VPS41: variants seen among roughly 807,000 people sequenced by gnomAD.
VPS41 encodes the protein VPS41 subunit of HOPS complex.
In VPS41, 85 loss-of-function variants were observed where a neutral mutation model predicts 130.9. That is an observed-to-expected ratio of 0.65 (90% confidence interval 0.55 to 0.78). VPS41 has a LOEUF of 0.78. Among genes scored for constraint, VPS41 ranks in the 30% least tolerant of loss-of-function variants. The pLI is 0.00. For synonymous variants in VPS41, 335 were observed against 332.9 expected (o/e 1.01, Z -0.07); for missense variants, 874 against 1,018.7 (o/e 0.86, Z 1.93).
At chr7:38,779,902 T>A (rs569646249) in intron 10 of VPS41, among the ~76,000 whole-genome samples, 1 of 152,220 alleles carries the variant, frequency 6.6e-6, no homozygotes, top group Non-Finnish European at 1.5e-5. Flanking sequence ...ATATTTCAAA[T>A]TTTCAGTGGA....
intron 7 of VPS41, among the ~76,000 whole-genome samples, chr7:38,798,079 C>G (rs1207896046): frequency 6.6e-6 from 1 of 152,084 alleles, no homozygotes; most frequent in Non-Finnish European, 1.5e-5. Context: ...ATCCCAGGTT[C>G]CAATTCAGAA....
chr7:38,823,192 T>C (rs999388887), intron 5 of VPS41, among the ~76,000 whole-genome samples: 1 of 152,176 alleles, frequency 6.6e-6, no homozygotes, highest in African/African-American at 2.4e-5. Context: ...GGTGCCCTTA[T>C]AAGAAAGCTT....
At chr7:38,757,793 G>A (rs556277823) in intron 18 of VPS41, among the ~76,000 whole-genome samples, 8 of 152,204 alleles carry the variant, frequency 5.3e-5, no homozygotes, top group South Asian at 4.2e-4. Flanking sequence ...TCCCTAGATC[G>A]AAGTACTTGA....
At position 38,752,152 on chromosome 7, in the gene VPS41, C is replaced by A. The variant is rs369770580; in HGVS notation, c.1926+24G>T. On this transcript the variant is annotated intron_variant, in intron 22 of 28. Transcript: ENST00000310301. ...TGACAACCTCTTCATCCAAAGTGTA[C>A]AAGTCGGGGAGTCTGTGCCTTACCT... The A allele has an allele frequency of 3.1e-6, 5 of 1,612,844 alleles. No individual in the cohort carries two copies. The African/African-American group carries it at 6.7e-5, about 22-fold the overall frequency.
At chr7:38,868,192 T>C (rs1200806745) in intron 3 of VPS41, among the ~76,000 whole-genome samples, 1 of 152,058 alleles carries the variant, frequency 6.6e-6, no homozygotes, top group Non-Finnish European at 1.5e-5. Context: ...CAATATTCAA[T>C]GAGTGAAGAA....
chr7:38,845,535 A>T (rs937797916), intron 4 of VPS41, among the ~76,000 whole-genome samples: 3 of 152,212 alleles, frequency 2.0e-5, no homozygotes, highest in African/African-American at 7.2e-5. Flanking sequence ...TACTGCTACT[A>T]AGAGAAAGTT....
chr7:38,872,071 C>A (rs866249001), intron 2 of VPS41, among the ~76,000 whole-genome samples: 1 of 152,152 alleles, frequency 6.6e-6, no homozygotes, highest in Non-Finnish European at 1.5e-5. Context: ...CTTCTCACGG[C>A]GTTGCAGACA....
At chr7:38,894,692 A>T (rs569419856) in intron 2 of VPS41, among the ~76,000 whole-genome samples, 1 of 152,290 alleles carries the variant, frequency 6.6e-6, no homozygotes, top group African/African-American at 2.4e-5. Context: ...TGAAGAATAC[A>T]GGAGGTAAGT....
intron 6 of VPS41, 44 bp downstream of exon 6, chr7:38,821,159 C>T: frequency 2.0e-6 from 3 of 1,483,356 alleles, no homozygotes; most frequent in Non-Finnish European, 1.9e-6. Flanking sequence ...TATTGCCTTA[C>T]TTGAGAAAAC....
intron 11 of VPS41, among the ~76,000 whole-genome samples, chr7:38,774,647 A>C (rs1784222769): frequency 6.6e-6 from 1 of 152,200 alleles, no homozygotes; most frequent in South Asian, 2.1e-4. Context: ...TATTTTGAAC[A>C]AAATAAAAAG....
At chr7:38,783,047 G>A (rs976029449) in intron 10 of VPS41, among the ~76,000 whole-genome samples, 2 of 151,892 alleles carry the variant, frequency 1.3e-5, no homozygotes, top group Non-Finnish European at 2.9e-5. Context: ...GAACCCGCGA[G>A]CACCCAGGAG....
chr7:38,736,153 G>A (rs1402913728), intron 25 of VPS41, among the ~76,000 whole-genome samples: 1 of 152,192 alleles, frequency 6.6e-6, no homozygotes, highest in East Asian at 1.9e-4. Context: ...AAACGCCTCT[G>A]TTAAGAACTT....
At chr7:38,833,252 C>A (rs1562603293) in intron 4 of VPS41, among the ~76,000 whole-genome samples, 2 of 152,174 alleles carry the variant, frequency 1.3e-5, no homozygotes, top group Non-Finnish European at 2.9e-5. Flanking sequence ...GTGACTTTCT[C>A]CTGCCCTAAC....
intron 2 of VPS41, among the ~76,000 whole-genome samples, chr7:38,889,207 GA>G (rs1786804779): frequency 1.3e-5 from 2 of 151,950 alleles, no homozygotes; most frequent in Middle Eastern, 3.4e-3. Context: ...GAGTGGGATT[GA>G]AAAAGTATTT....
chr7:38,831,072 G>T, intron 4 of VPS41: 1 of 383,142 alleles, frequency 2.6e-6, no homozygotes, highest in Non-Finnish European at 5.2e-6. Context: ...AAGTCTAAAT[G>T]TTCAACTTCT....
chr7:38,771,275 T>TAAG lies in VPS41; in HGVS notation c.1129-22_1129-21insCTT, dbSNP rs1562580327. ...GCTTCCTTTATTCCAAACATAAGGA[T>TAAG]GATTTAAAAAAAAAAAAAAGCAGAA... On this transcript the variant is annotated intron_variant, in intron 13 of 28. Transcript: ENST00000310301. The TAAG allele has an allele frequency of 4.7e-6, 7 of 1,493,220 alleles. No individual in the cohort carries two copies. In the South Asian group the frequency reaches 8.6e-5, roughly 18 times the overall value. 92.5% of individuals were successfully genotyped at this position (1,493,220 alleles called of 1,614,324 possible). A position where few individuals can be genotyped will look rare whatever the true frequency, so the allele number is the denominator to read the frequency against.
chr7:38,894,462 A>C (rs1786936396), intron 2 of VPS41, among the ~76,000 whole-genome samples: 4 of 150,084 alleles, frequency 2.7e-5, no homozygotes, highest in East Asian at 2.0e-4. Flanking sequence ...GTTGGGGGGA[A>C]GTGGGGGAGG....
At chr7:38,804,077 G>A (rs867277278) in intron 7 of VPS41, among the ~76,000 whole-genome samples, 7 of 152,100 alleles carry the variant, frequency 4.6e-5, no homozygotes, top group Middle Eastern at 3.2e-3. Context: ...ATGTTGGTAC[G>A]ACGGAAAACC....
chr7:38,804,132 T>A (rs947033775), intron 7 of VPS41, among the ~76,000 whole-genome samples: 1 of 152,150 alleles, frequency 6.6e-6, no homozygotes, highest in African/African-American at 2.4e-5. Flanking sequence ...GCCACTTGCT[T>A]ACAAACAATA....
Sources: allele counts gnomAD v4.1 joint callset (sites outside exome capture counted in the v4.1 genomes callset), GRCh38; gene constraint gnomAD v4.1.1; transcripts MANE v1.5; gene names NCBI Gene and HGNC (gene_info 2026-07-23, HGNC 2026-07-21).